MED23: variants seen among roughly 807,000 people sequenced by gnomAD.
The protein encoded by MED23 is mediator complex subunit 23.
A neutral mutation model predicts 163.9 loss-of-function variants in MED23; 105 were observed. The ratio of observed to expected loss-of-function variants is 0.64; its 90% CI spans 0.55 to 0.75. The LOEUF (loss-of-function observed/expected upper bound fraction) is 0.75, where lower values mean the gene tolerates loss of function less well. MED23 is among the 30% of genes least tolerant of loss of function. The pLI, the probability that MED23 is intolerant of heterozygous loss-of-function variation, is 0.00. For synonymous variants in MED23, 561 were observed against 565.6 expected, an observed-to-expected ratio of 0.99 and a Z score of 0.12; for missense variants, 1,054 against 1,649.0, an observed-to-expected ratio of 0.64 and a Z score of 6.25.
intron 10 of MED23, among the ~76,000 whole-genome samples, chr6:131,611,659 C>A (rs1215160770): frequency 6.6e-6 from 1 of 151,978 alleles, no homozygotes. Flanking sequence ...TCAGACAACA[C>A]AAATTTAGAG....
In MED23 at chr6:131,579,274, C is replaced by A; in HGVS notation, c.4096-4979G>T. The A allele has an allele frequency of 6.2e-7, 1 of 1,613,912 alleles. No individual in the cohort carries two copies. Among genetic ancestry groups the A allele is most frequent in the Non-Finnish European group, 8.5e-7 (1 of 1,179,954 alleles). On this transcript the variant is annotated intron_variant, in intron 30 of 30. Transcript: ENST00000354577. ...ACGGAAGAATCAGCCTGGTGCTGGG[C>A]GGAGACCACAGGTCTTGTTGAATAA...
At chr6:131,581,381 A>G in intron 30 of MED23, 2 of 1,611,748 alleles carry the variant, frequency 1.2e-6, no homozygotes, top group Non-Finnish European at 1.7e-6. Context: ...AAGGAAAGGT[A>G]AAAGACTGGT....
In MED23 at chr6:131,598,216, G is replaced by A; in HGVS notation, c.2607+71C>T. 1 of 1,402,684 alleles carries A rather than the reference G, an allele frequency of 7.1e-7. No homozygotes were observed. Among genetic ancestry groups the A allele is most frequent in the Non-Finnish European group, 1.0e-6 (1 of 990,454 alleles). The allele number at this position is 1,402,684 out of a possible 1,614,324, so 86.9% of individuals were successfully genotyped here. A position where few individuals can be genotyped will look rare whatever the true frequency, so the allele number is the denominator to read the frequency against. ...AAATCCTTCAAAGCAATATAGAGCA[G>A]ATTGGCATAACATATATTAGTCATA... On this transcript the variant is annotated intron_variant, in intron 20 of 28. Coordinates refer to ENST00000368068, the MANE Select transcript of MED23 (RefSeq NM_004830.4). The surrounding 1 kb of genome is among the most constrained non-coding windows in gnomAD (Gnocchi z 4.7).
At position 131,593,064 on chromosome 6, in the gene MED23, C is replaced by T; in HGVS notation, c.3340G>A (p.Ala1114Thr). Residue 1114 changes from alanine to threonine, a missense_variant, in exon 24 of 29, where the codon GCC becomes ACC. Ala to Thr is a moderately conservative substitution (Grantham distance 58). This residue lies in a region of MED23 where 362 missense variants were observed against 471.6 expected (regional missense o/e 0.77). Coordinates refer to ENST00000368068, the MANE Select transcript of MED23 (RefSeq NM_004830.4). ...ACTTCTTTGCCTGAAACTGCCAAGG[C>T]CATGAGCTCCACACAAGTAACATGG... is the stretch of plus-strand genomic sequence containing the variant. Reference protein sequence around the residue: ...ALHVTCVELMALAVSGKEVGN... With the variant: ...ALHVTCVELMTLAVSGKEVGN... The T allele has an allele frequency of 6.2e-7, 1 of 1,614,224 alleles. No homozygotes were observed. Among genetic ancestry groups the T allele is most frequent in the Non-Finnish European group, 8.5e-7 (1 of 1,180,032 alleles).
intron 22 of MED23, among the ~76,000 whole-genome samples, chr6:131,595,475 A>G (rs1774978350): frequency 6.6e-6 from 1 of 152,262 alleles, no homozygotes; most frequent in Non-Finnish European, 1.5e-5. Context: ...TTACAAAATC[A>G]GCCTAGCATT....
rs1249539635 is a variant in MED23, at chr6:131,587,448, T to C, written c.*231A>G. 20 of 1,361,604 alleles carry C rather than the reference T, an allele frequency of 1.5e-5. 1 individual carries two copies. The highest frequency in any genetic ancestry group is 4.7e-5 in the South Asian group (3 of 64,400). The allele number at this position is 1,361,604 out of a possible 1,614,324, so 84.3% of individuals were successfully genotyped here. ...CCTACATAGCTCTAATAAGTTGTTA[T>C]GAATATGAACAACATGTATCTTACT... On this transcript the variant is annotated 3_prime_UTR_variant, in exon 29 of 29. Coordinates refer to ENST00000368068, the MANE Select transcript of MED23 (RefSeq NM_004830.4).
chr6:131,581,808 C>A (rs73778022), downstream of MED23, among the ~76,000 whole-genome samples: 10,343 of 152,052 alleles, frequency 0.068, 533 homozygotes, highest in East Asian at 0.16. Context: ...AGAGGCTTTT[C>A]AAAAAAGAAA....
intron 30 of MED23, chr6:131,579,281 C>A (rs1380298803): frequency 6.2e-7 from 1 of 1,613,832 alleles, no homozygotes; most frequent in Non-Finnish European, 8.5e-7. Flanking sequence ...GGGCGGAGAC[C>A]ACAGGTCTTG....
chr6:131,582,790 C>T, downstream of MED23: 1 of 1,249,182 alleles, frequency 8.0e-7, no homozygotes, highest in Non-Finnish European at 1.2e-6. Context: ...CTGACCAACT[C>T]TATGAGAGAA....
intron 17 of MED23, among the ~76,000 whole-genome samples, chr6:131,601,839 T>C (rs1258102889): frequency 1.3e-5 from 2 of 151,768 alleles, no homozygotes; most frequent in African/African-American, 4.9e-5. Context: ...AAAAACAAAT[T>C]AATAAATATT....
At chr6:131,579,062 A>T (rs549339306) in intron 30 of MED23, 2 of 1,597,164 alleles carry the variant, frequency 1.3e-6, no homozygotes, top group East Asian at 4.5e-5. Context: ...ACACAGACTG[A>T]TTTATAATCT....
chr6:131,581,175 G>A (rs1668211179), intron 30 of MED23: 1 of 1,597,842 alleles, frequency 6.3e-7, no homozygotes, highest in African/African-American at 1.3e-5. Flanking sequence ...TGTATGTAGT[G>A]ACACTGCAAA....
chr6:131,627,296 A>C, intron 3 of MED23, 100 bp downstream of exon 3: 1 of 852,992 alleles, frequency 1.2e-6, no homozygotes. Flanking sequence ...TCTCAGGAAG[A>C]TCTTAAGAGC....
In MED23 at chr6:131,591,403, G is replaced by A. The variant is rs749504357; in HGVS notation, c.3596C>T (p.Ser1199Phe). 32 of 1,613,712 alleles carry A rather than the reference G, an allele frequency of 2.0e-5. No individual in the cohort carries two copies. The highest frequency in any genetic ancestry group is 2.6e-5 in the Non-Finnish European group (31 of 1,179,714). Reference protein sequence around the residue: ...RLFDFTACHQSYSEMSCSYTL... With the variant: ...RLFDFTACHQFYSEMSCSYTL... Reference sequence around the variant, plus strand: ...ATAGCTACAACTCATCTCAGAGTAGGACTGATGACAGGCAGTGAAATCAAA... The same window carrying A: ...ATAGCTACAACTCATCTCAGAGTAGAACTGATGACAGGCAGTGAAATCAAA... The change falls in exon 26 of 29, where the codon TCC becomes TTC. Residue 1199 changes from serine to phenylalanine, a missense_variant. Around this residue, in one of 11 missense-constraint regions of MED23, gnomAD observed 362 missense variants for 471.6 expected, o/e 0.77. Coordinates refer to ENST00000368068, the MANE Select transcript of MED23 (RefSeq NM_004830.4).
intron 17 of MED23, among the ~76,000 whole-genome samples, chr6:131,600,764 G>C (rs1206396719): frequency 1.3e-5 from 2 of 152,098 alleles, no homozygotes; most frequent in Admixed American, 1.3e-4. Context: ...TTTTCACTTG[G>C]TATGAGCACT....
chr6:131,628,122 G>A lies in MED23; in HGVS notation c.-73C>T. 1.3e-6 allele frequency: 2 copies of A among 1,557,230 alleles called. No individual in the cohort carries two copies. The highest frequency in any genetic ancestry group is 1.7e-5 in the Admixed American group (1 of 59,966). ...CAGACTCGAGCTCTGGGAATATAGG[G>A]GCAGAGGGGCGGAGACCTCTGGAGG... On this transcript the variant is annotated 5_prime_UTR_variant, in exon 1 of 29. Transcript: ENST00000368068.
intron 30 of MED23, chr6:131,581,462 G>C: frequency 7.1e-7 from 1 of 1,407,910 alleles, no homozygotes; most frequent in Non-Finnish European, 9.8e-7. Flanking sequence ...GAAACTCCAT[G>C]TTATCTTATT....
In MED23 at chr6:131,587,243, AAG is replaced by A. The variant is rs1405870089; in HGVS notation, c.*434_*435del. The A allele has an allele frequency of 2.9e-6, 3 of 1,046,102 alleles. No individual in the cohort carries two copies. The highest frequency in any genetic ancestry group is 3.5e-6 in the Non-Finnish European group (3 of 854,940). 64.8% of individuals were successfully genotyped at this position (1,046,102 alleles called of 1,614,324 possible). A position where few individuals can be genotyped will look rare whatever the true frequency, so the allele number is the denominator to read the frequency against. ...ATCTCTATTATTCTGAAAATCTACCAAGAGATTTATGTATAAAATATTTGTAA... is the reference window on the plus strand; with the variant it reads ...ATCTCTATTATTCTGAAAATCTACCAAGATTTATGTATAAAATATTTGTAA... On this transcript the variant is annotated 3_prime_UTR_variant, in exon 29 of 29. Transcript: ENST00000368068.
rs1777654795 is a variant in MED23 at position 131,628,103 on chromosome 6, C to G, written c.-54G>C. The G allele has an allele frequency of 1.9e-6, 3 of 1,604,228 alleles. No homozygotes were observed. Among genetic ancestry groups the G allele is most frequent in the South Asian group, 1.1e-5 (1 of 90,928 alleles). The stretch of plus-strand genomic sequence containing the variant: ...TGCCCGGCAAGGCCCGGATCAGACT[C>G]GAGCTCTGGGAATATAGGGGCAGAG... On this transcript the variant is annotated 5_prime_UTR_variant, in exon 1 of 29. Transcript: ENST00000368068.
Sources: gnomAD v4.1 joint callset for allele counts (sites outside exome capture counted in the v4.1 genomes callset) on GRCh38, gnomAD v4.1.1 for gene constraint, gnomAD v4.1.1 regional missense constraint, Gnocchi (gnomAD v3.1) non-coding constraint, MANE v1.5 for transcripts, NCBI Gene and HGNC (gene_info 2026-07-23, HGNC 2026-07-21) for gene names.